The following THSD4 variants were observed in gnomAD, a reference collection of about 807,000 sequenced individuals.
The protein encoded by THSD4 is thrombospondin type 1 domain containing 4.
In THSD4, 69 loss-of-function variants were observed where a neutral mutation model predicts 119.0. The ratio of observed to expected loss-of-function variants is 0.58; its 90% CI spans 0.48 to 0.71. THSD4 has a LOEUF of 0.71. Ranked by LOEUF, THSD4 falls within the 30% of genes least tolerant of loss-of-function variation. The pLI is 0.00. For missense variants in THSD4, 1,393 were observed against 1,391.1 expected, an observed-to-expected ratio of 1.00 and a Z score of -0.02; for synonymous variants, 524 against 540.4, an observed-to-expected ratio of 0.97 and a Z score of 0.42.
chr15:71,549,841 G>T (rs2048899922), intron 7 of THSD4: 1 of 152,360 alleles, frequency 6.6e-6, no homozygotes, highest in African/African-American at 2.4e-5. Context: ...TCTAGGGTGT[G>T]AGGTCCTTTC....
intron 7 of THSD4, among the ~76,000 whole-genome samples, chr15:71,442,660 G>GTATGTATGTATATA (rs1555414328): frequency 2.3e-4 from 6 of 25,822 alleles, no homozygotes; most frequent in South Asian, 2.4e-3. Context: ...GTGTGTGTGT[G>GTATGTATGTATATA]TATATATATA....
chr15:71,710,525 C>T (rs1474687444), intron 8 of THSD4, among the ~76,000 whole-genome samples: 2 of 152,210 alleles, frequency 1.3e-5, no homozygotes, highest in Non-Finnish European at 2.9e-5. Flanking sequence ...TGACCCAGTG[C>T]CTCAGAAACT....
intron 6 of THSD4, among the ~76,000 whole-genome samples, chr15:71,349,109 G>A (rs1042343485): frequency 2.0e-5 from 3 of 152,112 alleles, no homozygotes; most frequent in Non-Finnish European, 4.4e-5. Context: ...ACAGGAGCAA[G>A]CTGACCCAGC....
chr15:71,299,976 A>AAAATATATATATATATATATATAT (rs1555462049), intron 6 of THSD4, among the ~76,000 whole-genome samples: 1 of 48,310 alleles, frequency 2.1e-5, no homozygotes, highest in African/African-American at 7.7e-5. Context: ...AAAAAAAAAA[A>AAAATATATATATATATATATATAT]ATATATATAT....
Position 71,589,529 on chromosome 15 carries a change from A to G in THSD4, c.1153-71001A>G, listed in dbSNP as rs997651670. On this transcript the variant is annotated intron_variant, in intron 7 of 17. Coordinates refer to ENST00000261862, the MANE Select transcript of THSD4 (RefSeq NM_024817.3). ...CATCACCATGCCCAGCTAACTTTTT[A>G]ACTTTTTTTGGTAGAGATGGGGCCC... 2.2e-5 allele frequency among the ~76,000 whole-genome samples: 3 copies of G among 137,586 alleles called. 1 individual carries two copies. The highest frequency in any genetic ancestry group is 7.6e-5 in the African/African-American group (3 of 39,432). 90.3% of individuals were successfully genotyped at this position (137,586 alleles called of 152,430 possible).
intron 7 of THSD4, among the ~76,000 whole-genome samples, chr15:71,524,514 A>G (rs2048487824): frequency 6.6e-6 from 1 of 151,058 alleles, no homozygotes; most frequent in South Asian, 2.1e-4. Flanking sequence ...AGTGCTGTAA[A>G]TGACTTGTAA....
At chr15:71,413,998 A>G (rs1045575501) in intron 7 of THSD4, among the ~76,000 whole-genome samples, 13 of 152,230 alleles carry the variant, frequency 8.5e-5, no homozygotes, top group African/African-American at 3.1e-4. Context: ...TTTCCTGAAT[A>G]CAGGTGCACA....
rs71154763 is a variant in THSD4 at position 71,346,868 on chromosome 15, CTTTTTT to C, written c.1016-64801_1016-64796del. Among the ~76,000 whole-genome samples the C allele has an allele frequency of 2.3e-4, 20 of 86,010 alleles. No homozygotes were observed. In the South Asian group the frequency reaches 3.7e-3, roughly 16 times the overall value. 56.4% of individuals were successfully genotyped at this position (86,010 alleles called of 152,430 possible). A position where few individuals can be genotyped will look rare whatever the true frequency, so the allele number is the denominator to read the frequency against. ...ACATCATAAGTTTCATTTTCATTTT[CTTTTTT>C]TTTTTTTTTTTTTTTTTGAGACGGA... On this transcript the variant is annotated intron_variant, in intron 6 of 17. Transcript: ENST00000261862.
intron 7 of THSD4, among the ~76,000 whole-genome samples, chr15:71,643,989 T>C (rs556650226): frequency 4.6e-5 from 7 of 152,354 alleles, no homozygotes; most frequent in East Asian, 1.9e-4. Flanking sequence ...TTTATCACAG[T>C]TCTTCACATT....
chr15:71,688,664 T>C (rs912488625), intron 8 of THSD4, among the ~76,000 whole-genome samples: 8 of 150,354 alleles, frequency 5.3e-5, no homozygotes, highest in African/African-American at 1.7e-4. Flanking sequence ...TTTGTTTTGT[T>C]TTTTTCTTTT....
rs1267708204 is a variant in THSD4 at position 71,623,939 on chromosome 15, A to AAAT, written c.1153-36589_1153-36588insTAA. On this transcript the variant is annotated intron_variant, in intron 7 of 17. Coordinates refer to ENST00000261862, the MANE Select transcript of THSD4 (RefSeq NM_024817.3). ...ACTCCCTCTCAAGAAAAAAAAAAAA[A>AAAT]AAAATCTAATCAGATAATCAAGTCT... Among the ~76,000 whole-genome samples the AAAT allele has an allele frequency of 3.3e-5, 5 of 151,914 alleles. No individual in the cohort carries two copies. In the East Asian group the frequency reaches 9.7e-4, roughly 29 times the overall value.
chr15:71,135,991 GTTTTTTTT>G lies in THSD4; in HGVS notation c.-79-5439_-79-5432del, dbSNP rs10540241. 2.7e-4 allele frequency among the ~76,000 whole-genome samples: 19 copies of G among 69,100 alleles called. 1 individual carries two copies. Among genetic ancestry groups the G allele is most frequent in the Admixed American group, 1.5e-3 (8 of 5,352 alleles). 45.3% of individuals were successfully genotyped at this position (69,100 alleles called of 152,430 possible). A position where few individuals can be genotyped will look rare whatever the true frequency, so the allele number is the denominator to read the frequency against. On this transcript the variant is annotated intron_variant, in intron 1 of 17. Coordinates refer to ENST00000261862, the MANE Select transcript of THSD4 (RefSeq NM_024817.3). The stretch of plus-strand genomic sequence containing the variant: ...GTCCTTTGGTTTTTTGTTTAGTTTA[GTTTTTTTT>G]TTTTTTTTTTTTTTTTTTAAGACTC...
intron 8 of THSD4, among the ~76,000 whole-genome samples, chr15:71,724,553 G>T (rs1207470448): frequency 2.8e-5 from 4 of 143,124 alleles, no homozygotes; most frequent in Non-Finnish European, 4.6e-5. Flanking sequence ...CCAAAGTGCT[G>T]GGATTACAGG....
intron 5 of THSD4, among the ~76,000 whole-genome samples, chr15:71,243,987 A>G (rs771751182): frequency 1.3e-5 from 2 of 151,620 alleles, no homozygotes; most frequent in East Asian, 1.9e-4. Context: ...GGGTTTCACT[A>G]TGTTGGCCAG....
At chr15:71,716,237 T>G (rs1187505703) in intron 8 of THSD4, among the ~76,000 whole-genome samples, 1 of 152,178 alleles carries the variant, frequency 6.6e-6, no homozygotes, top group Non-Finnish European at 1.5e-5. Context: ...TTGCCTTCTT[T>G]TCTAAGGACA....
intron 7 of THSD4, among the ~76,000 whole-genome samples, chr15:71,442,970 C>T (rs766890464): frequency 3.3e-5 from 5 of 151,470 alleles, no homozygotes; most frequent in Non-Finnish European, 7.4e-5. Flanking sequence ...TCGAACCCTC[C>T]GATAAACCAT....
At chr15:71,285,383 C>T (rs1386470326) in intron 6 of THSD4, among the ~76,000 whole-genome samples, 1 of 152,098 alleles carries the variant, frequency 6.6e-6, no homozygotes, top group Non-Finnish European at 1.5e-5. Context: ...TTGGCTGTCT[C>T]TTTTTGCTCC....
chr15:71,290,233 G>T (rs1336294649), intron 6 of THSD4, among the ~76,000 whole-genome samples: 1 of 152,198 alleles, frequency 6.6e-6, no homozygotes, highest in Non-Finnish European at 1.5e-5. Flanking sequence ...GGCACAGCAG[G>T]TCCTCTGTTC....
intron 7 of THSD4, among the ~76,000 whole-genome samples, chr15:71,558,342 G>A (rs2049054011): frequency 6.6e-6 from 1 of 152,070 alleles, no homozygotes; most frequent in Non-Finnish European, 1.5e-5. Context: ...AAAAATATAT[G>A]TGTGTGTATG....
Sources: gnomAD v4.1 joint callset for allele counts (sites outside exome capture counted in the v4.1 genomes callset) on GRCh38, gnomAD v4.1.1 for gene constraint, MANE v1.5 for transcripts, NCBI Gene and HGNC (gene_info 2026-07-23, HGNC 2026-07-21) for gene names.